Variants in NRG1 observed in about 807,000 individuals in gnomAD.
NRG1 encodes neuregulin 1.
A neutral mutation model predicts 63.8 loss-of-function variants in NRG1; 18 were observed. The ratio of observed to expected loss-of-function variants is 0.28; its 90% CI spans 0.19 to 0.42. The LOEUF is 0.42. Ranked by LOEUF, NRG1 falls within the 10% of genes least tolerant of loss-of-function variation. NRG1 has a pLI of 1.00. For synonymous variants in NRG1, 302 were observed against 301.3 expected, an observed-to-expected ratio of 1.00 and a Z score of -0.02; for missense variants, 762 against 814.7, an observed-to-expected ratio of 0.94 and a Z score of 0.79.
intron 1 of NRG1, among the ~76,000 whole-genome samples, chr8:31,985,258 C>A (rs749476109): frequency 3.3e-5 from 5 of 152,066 alleles, no homozygotes; most frequent in Non-Finnish European, 5.9e-5. Context: ...CTAGACCAAG[C>A]ACTTAAGAAT....
At chr8:32,126,854 C>T (rs1834131274) in intron 1 of NRG1, among the ~76,000 whole-genome samples, 1 of 151,826 alleles carries the variant, frequency 6.6e-6, no homozygotes, top group South Asian at 2.1e-4. Context: ...CACTGCTTCT[C>T]CTTAATTAAC....
intron 1 of NRG1, among the ~76,000 whole-genome samples, chr8:32,363,991 C>G (rs915924051): frequency 6.9e-6 from 1 of 144,550 alleles, no homozygotes; most frequent in African/African-American, 2.5e-5. Context: ...TTATTATAAA[C>G]AATTTTTTAA....
At chr8:32,278,365 A>C (rs1367898044) in intron 1 of NRG1, among the ~76,000 whole-genome samples, 1 of 152,130 alleles carries the variant, frequency 6.6e-6, no homozygotes, top group Non-Finnish European at 1.5e-5. Context: ...AAAAGGATAA[A>C]AGTCTTAGCT....
chr8:31,791,799 A>G (rs747325065), intron 1 of NRG1, among the ~76,000 whole-genome samples: 2 of 152,266 alleles, frequency 1.3e-5, no homozygotes, highest in Non-Finnish European at 2.9e-5. Context: ...GCCCTTCGCT[A>G]CAGAATCGTG....
chr8:32,593,108 G>A lies in NRG1; in HGVS notation c.101-2720G>A, dbSNP rs141941069. Among the ~76,000 whole-genome samples the A allele has an allele frequency of 4.8e-3, 725 of 152,178 alleles. 17 individuals carry two copies. Among genetic ancestry groups the A allele is most frequent in the Admixed American group, 0.043 (653 of 15,280 alleles). ...TGTTGAGTAGGCTGAGGAGGAAGAGGAAGAGGCGGGCATTGGTCTTGCTGT... is the reference window on the plus strand; with the variant it reads ...TGTTGAGTAGGCTGAGGAGGAAGAGAAAGAGGCGGGCATTGGTCTTGCTGT... On this transcript the variant is annotated intron_variant, in intron 1 of 11. Transcript: ENST00000356819.
rs1431430001 is a variant in NRG1 at position 32,728,194 on chromosome 8, T to C, written c.632+116T>C. 3.3e-6 allele frequency: 5 copies of C among 1,535,760 alleles called. No individual in the cohort carries two copies. In the East Asian group the frequency reaches 6.8e-5, roughly 21 times the overall value. On this transcript the variant is annotated intron_variant, in intron 6 of 11. Coordinates refer to ENST00000356819, the Ensembl canonical transcript of NRG1. ...AATTTTGTTGCATCATGTTGAATAA[T>C]GCTGTTTTATATGTAGAGTGTTTTA...
chr8:32,408,776 G>C (rs1324033438), intron 1 of NRG1, among the ~76,000 whole-genome samples: 1 of 151,910 alleles, frequency 6.6e-6, no homozygotes, highest in East Asian at 1.9e-4. Context: ...TTTATTTAGC[G>C]GGTACAAGTG....
intron 1 of NRG1, among the ~76,000 whole-genome samples, chr8:31,744,171 G>A (rs762190408): frequency 1.2e-4 from 18 of 151,900 alleles, no homozygotes; most frequent in South Asian, 4.1e-4. Flanking sequence ...TCTGCTCTGA[G>A]CTCTGTCCTA....
intron 1 of NRG1, among the ~76,000 whole-genome samples, chr8:32,171,835 A>T (rs1840088226): frequency 6.6e-6 from 1 of 152,116 alleles, no homozygotes; most frequent in East Asian, 1.9e-4. Flanking sequence ...GAGTAGGTAA[A>T]CAAAGCGGCC....
At chr8:31,797,307 G>T (rs938415493) in intron 1 of NRG1, among the ~76,000 whole-genome samples, 1 of 152,194 alleles carries the variant, frequency 6.6e-6, no homozygotes, top group Admixed American at 6.5e-5. Flanking sequence ...ACCAAATTTG[G>T]AGTTATTCCT....
intron 5 of NRG1, among the ~76,000 whole-genome samples, chr8:32,620,132 A>T (rs1262001784): frequency 1.3e-5 from 2 of 152,248 alleles, no homozygotes; most frequent in African/African-American, 4.8e-5. Context: ...TATATAAAAA[A>T]GTCAAAGGCC....
rs149717277 is a variant in NRG1, at chr8:31,872,722, C to T, written c.37+233291C>T. 2.9e-4 allele frequency among the ~76,000 whole-genome samples: 44 copies of T among 152,234 alleles called. No individual in the cohort carries two copies. In the East Asian group the frequency reaches 7.3e-3, roughly 25 times the overall value. On this transcript the variant is annotated intron_variant, in intron 1 of 10. Transcript: ENST00000519301. ...ATAATGTAAGAGTAAAGCATGGAAA[C>T]AGGAATACAGAGTTCATCATAATTA...
intron 1 of NRG1, among the ~76,000 whole-genome samples, chr8:32,491,437 A>G (rs918366454): frequency 2.0e-5 from 3 of 152,214 alleles, no homozygotes; most frequent in Admixed American, 6.5e-5. Context: ...CACTGCTTAC[A>G]TATTTTAAGA....
intron 1 of NRG1, among the ~76,000 whole-genome samples, chr8:32,244,533 G>C (rs752240859): frequency 5.3e-5 from 8 of 152,292 alleles, no homozygotes; most frequent in Non-Finnish European, 1.2e-4. Context: ...AAAAGAAAGG[G>C]AAGCAGGGTT....
intron 1 of NRG1, among the ~76,000 whole-genome samples, chr8:32,214,221 G>T (rs1844986380): frequency 6.6e-6 from 1 of 152,098 alleles, no homozygotes. Flanking sequence ...TCAAAATTCT[G>T]TCTTCACATC....
At chr8:32,301,978 G>A (rs1855623416) in intron 1 of NRG1, among the ~76,000 whole-genome samples, 1 of 152,166 alleles carries the variant, frequency 6.6e-6, no homozygotes, top group Non-Finnish European at 1.5e-5. Context: ...ACTGGGGGGA[G>A]TGAATGTACC....
intron 1 of NRG1, among the ~76,000 whole-genome samples, chr8:31,718,503 T>C (rs911611965): frequency 2.2e-4 from 34 of 152,332 alleles, no homozygotes; most frequent in Middle Eastern, 6.8e-3. Context: ...CCAGAATGTT[T>C]GCAACAGGAT....
chr8:32,140,847 C>G (rs1836156768), intron 1 of NRG1, among the ~76,000 whole-genome samples: 1 of 152,070 alleles, frequency 6.6e-6, no homozygotes, highest in South Asian at 2.1e-4. Context: ...TTCTCCAGAG[C>G]ATTTCATTTC....
Position 31,763,931 on chromosome 8 carries a change from C to G in NRG1, c.37+124500C>G, listed in dbSNP as rs184453342. ...CGCCACCACACTCCAGCCTGGGTGA[C>G]AGAGCAAGAGCTTGCAGTGAGCCAA... is the stretch of plus-strand genomic sequence containing the variant. On this transcript the variant is annotated intron_variant, in intron 1 of 10. Transcript: ENST00000519301. Among the ~76,000 whole-genome samples the G allele has an allele frequency of 8.9e-4, 128 of 144,312 alleles. No individual in the cohort carries two copies. In the Middle Eastern group the frequency reaches 0.015, roughly 17 times the overall value. The allele number at this position is 144,312 out of a possible 152,430, so 94.7% of individuals were successfully genotyped here. A position where few individuals can be genotyped will look rare whatever the true frequency, so the allele number is the denominator to read the frequency against.
Sources: gnomAD v4.1 joint callset for allele counts (sites outside exome capture counted in the v4.1 genomes callset) on GRCh38, gnomAD v4.1.1 for gene constraint, MANE v1.5 for transcripts, NCBI Gene and HGNC (gene_info 2026-07-23, HGNC 2026-07-21) for gene names.